The following FRMPD4 variants were observed in gnomAD, a reference collection of about 807,000 sequenced individuals.
The protein encoded by FRMPD4 is FERM and PDZ domain-containing protein 4.
In FRMPD4, 22 loss-of-function variants were observed where a neutral mutation model predicts 94.1. The ratio of observed to expected loss-of-function variants is 0.23; its 90% confidence interval spans 0.17 to 0.33. The LOEUF is 0.33. Among genes scored for constraint, FRMPD4 ranks in the 10% least tolerant of loss-of-function variants. FRMPD4 has a pLI of 1.00. For missense variants in FRMPD4, 1,111 were observed against 1,339.9 expected, an observed-to-expected ratio of 0.83 and a Z score of 2.67; for synonymous variants, 631 against 548.6, an observed-to-expected ratio of 1.15 and a Z score of -2.10.
At chrX:12,511,190 A>C (rs55747033) in intron 2 of FRMPD4, among the ~76,000 whole-genome samples, 52,214 of 109,995 alleles carry the variant, frequency 0.47, 9,398 homozygotes, top group Middle Eastern at 0.57. Flanking sequence ...TTGTTTCTCA[A>C]ATGCCCAAGT....
At chrX:11,847,087 A>T (rs1371318092) in intron 1 of FRMPD4, among the ~76,000 whole-genome samples, 6 of 108,749 alleles carry the variant, frequency 5.5e-5, no homozygotes, top group African/African-American at 2.0e-4. Context: ...CATCAGAGTG[A>T]ACAGGCAACC....
intron 4 of FRMPD4, among the ~76,000 whole-genome samples, chrX:12,645,347 CTTT>C (rs138817056): frequency 4.1e-4 from 23 of 55,628 alleles, no homozygotes; most frequent in East Asian, 2.4e-3. Context: ...CACTCTCACT[CTTT>C]TTTTTTTTTT....
chrX:11,980,944 G>C (rs1279181862), intron 3 of FRMPD4, among the ~76,000 whole-genome samples: 1 of 110,924 alleles, frequency 9.0e-6, no homozygotes, highest in Non-Finnish European at 1.9e-5. Context: ...ACCGCCCCTG[G>C]GCCATTGTAG....
chrX:12,343,880 C>T (rs749162813), intron 1 of FRMPD4, among the ~76,000 whole-genome samples: 4 of 111,936 alleles, frequency 3.6e-5, no homozygotes, highest in Non-Finnish European at 5.6e-5. Flanking sequence ...TTTTCCCTTC[C>T]GTATTTATGT....
intron 2 of FRMPD4, among the ~76,000 whole-genome samples, chrX:12,599,146 G>C (rs182048050): frequency 9.0e-6 from 1 of 110,990 alleles, no homozygotes; most frequent in Admixed American, 9.6e-5. Flanking sequence ...GAGACCTGCC[G>C]TGTCTTCAGC....
At chrX:11,976,797 CCAAATGGCTGTGATT>C (rs1375805065) in intron 3 of FRMPD4, among the ~76,000 whole-genome samples, 1 of 111,964 alleles carries the variant, frequency 8.9e-6, no homozygotes, top group Non-Finnish European at 1.9e-5. Context: ...AAAAGAGCCC[CCAAATGGCTGTGATT>C]CAGCAGCCTT....
At chrX:12,594,539 C>T (rs1456134928) in intron 2 of FRMPD4, among the ~76,000 whole-genome samples, 5 of 110,535 alleles carry the variant, frequency 4.5e-5, no homozygotes, top group East Asian at 2.8e-4. Context: ...GGGTTCACAC[C>T]GTTCTCCTGC....
At chrX:12,631,176 C>T (rs981173185) in intron 4 of FRMPD4, among the ~76,000 whole-genome samples, 4 of 111,617 alleles carry the variant, frequency 3.6e-5, no homozygotes, top group Non-Finnish European at 7.5e-5. Flanking sequence ...TGTAGCTGTG[C>T]ACCCAGGCAG....
At chrX:12,055,654 G>A (rs1289220084) in intron 3 of FRMPD4, among the ~76,000 whole-genome samples, 1 of 111,774 alleles carries the variant, frequency 8.9e-6, no homozygotes, top group Non-Finnish European at 1.9e-5. Flanking sequence ...AGCCTAACAT[G>A]TGGCTAGAGG....
intron 2 of FRMPD4, among the ~76,000 whole-genome samples, chrX:12,607,673 G>T (rs1021535261): frequency 9.0e-6 from 1 of 111,654 alleles, no homozygotes; most frequent in East Asian, 2.8e-4. Context: ...GAATGAGTGG[G>T]GTAAAACTGT....
At position 12,203,686 on chromosome X, in the gene FRMPD4, A is replaced by G. The variant is rs774861463; in HGVS notation, c.41+64674A>G. Among the ~76,000 whole-genome samples, 3 of 112,659 alleles carry G rather than the reference A, an allele frequency of 2.7e-5. No homozygotes were observed. The East Asian group carries it at 8.4e-4, about 32-fold the overall frequency. ...TTAATTCCTTTCCTTCAAAACAAAA[A>G]CAAAAGCACTTGCTTCTCAGAAGGA... On this transcript the variant is annotated intron_variant, in intron 1 of 16. Transcript: ENST00000675598.
In FRMPD4 at chrX:12,707,623, G is replaced by T. The variant is rs201903636; in HGVS notation, c.1442G>T (p.Arg481Leu). 5 of 1,207,491 alleles carry T rather than the reference G, an allele frequency of 4.1e-6. No individual in the cohort carries two copies. The highest frequency in any genetic ancestry group is 1.8e-5 in the South Asian group (1 of 56,075). Reference sequence around the variant, plus strand: ...TTTTCCGAGGAGGAGAGCTTGGTGCGGGTAGAACTCCACGTGCTAGATGTG... The same window carrying T: ...TTTTCCGAGGAGGAGAGCTTGGTGCTGGTAGAACTCCACGTGCTAGATGTG... The part of the protein sequence containing the change: ...EMFSEEESLV[R>L]VELHVLDVKP... The change falls in exon 13 of 17, where the codon CGG (arginine) becomes CTG (leucine). Residue 481 changes from arginine (R) to leucine (L), a missense_variant. By Grantham distance (102) the Arg-to-Leu change is moderately radical. Coordinates refer to ENST00000675598, the MANE Select transcript of FRMPD4 (RefSeq NM_001368397.1).
At position 12,717,613 on chromosome X, in the gene FRMPD4, A is replaced by G. The variant is rs1449775313; in HGVS notation, c.2787A>G (p.Ser929=). The G allele has an allele frequency of 8.3e-7, 1 of 1,208,297 alleles. No homozygotes were observed. Among genetic ancestry groups the G allele is most frequent in the Admixed American group, 2.2e-5 (1 of 46,085 alleles). The stretch of plus-strand genomic sequence containing the variant: ...AACTGGCCACAGCACAAAAACAGTC[A>G]GAAAACCTCTCCCGCATGTTCTTGG... ...SSELATAQKQ[S]ENLSRMFLAT... The change falls in exon 16 of 17, where the codon TCA becomes TCG. Residue 929 remains serine (S), a synonymous_variant. Coordinates refer to ENST00000675598, the MANE Select transcript of FRMPD4 (RefSeq NM_001368397.1).
chrX:12,075,713 C>T (rs2055007818), intron 3 of FRMPD4, among the ~76,000 whole-genome samples: 1 of 111,826 alleles, frequency 8.9e-6, no homozygotes, highest in Admixed American at 9.5e-5. Context: ...ACTTTCCAGA[C>T]TTTATTTATA....
chrX:12,356,720 G>A (rs1178336697), intron 1 of FRMPD4, among the ~76,000 whole-genome samples: 2 of 111,650 alleles, frequency 1.8e-5, no homozygotes, highest in Non-Finnish European at 3.8e-5. Context: ...TGCATTTTAT[G>A]GGCACATGTT....
chrX:12,718,905 A>G (rs556356396), intron 16 of FRMPD4, 115 bp downstream of exon 16: 6 of 487,850 alleles, frequency 1.2e-5, no homozygotes, highest in Middle Eastern at 3.6e-4. Flanking sequence ...AGAATTTTAA[A>G]AGGCCACAGA....
At chrX:12,586,127 C>G in intron 2 of FRMPD4, among the ~76,000 whole-genome samples, 1 of 112,929 alleles carries the variant, frequency 8.9e-6, no homozygotes, top group Non-Finnish European at 1.9e-5. Context: ...CAAAGGCAAG[C>G]CTCTTCACAC....
intron 3 of FRMPD4, among the ~76,000 whole-genome samples, chrX:12,024,006 A>G (rs1483056087): frequency 9.0e-6 from 1 of 111,574 alleles, no homozygotes; most frequent in Non-Finnish European, 1.9e-5. Context: ...GTCGAACCAC[A>G]AAGCTTCTGA....
chrX:12,661,564 G>A (rs912616884), intron 4 of FRMPD4, among the ~76,000 whole-genome samples: 1 of 112,103 alleles, frequency 8.9e-6, no homozygotes, highest in Non-Finnish European at 1.9e-5. Context: ...CCCTGAACAT[G>A]ACTTAGAAAT....
Sources: gnomAD v4.1 joint callset for allele counts (sites outside exome capture counted in the v4.1 genomes callset) on GRCh38, gnomAD v4.1.1 for gene constraint, MANE v1.5 for transcripts, NCBI Gene and HGNC (gene_info 2026-07-23, HGNC 2026-07-21) for gene names.